ERC2: variants seen among roughly 807,000 people sequenced by gnomAD.
ERC2 encodes the protein ELKS/RAB6-interacting/CAST family member 2.
Under a neutral mutation model 114.8 loss-of-function variants are expected in ERC2, and 42 were observed. The observed-to-expected ratio is 0.37, with a 90% CI of 0.29 to 0.47. ERC2 has a LOEUF of 0.47. Ranked by LOEUF, ERC2 falls within the 20% of genes least tolerant of loss-of-function variation. The pLI, the probability that ERC2 is intolerant of heterozygous loss-of-function variation, is 0.99. For missense variants in ERC2, 939 were observed against 1,150.7 expected, an observed-to-expected ratio of 0.82 and a Z score of 2.66; for synonymous variants, 454 against 425.5, an observed-to-expected ratio of 1.07 and a Z score of -0.82.
At chr3:55,686,439 AAAT>A (rs2062336038) in intron 16 of ERC2, among the ~76,000 whole-genome samples, 1 of 152,216 alleles carries the variant, frequency 6.6e-6, no homozygotes, top group Non-Finnish European at 1.5e-5. Context: ...CCTCATCGCC[AAAT>A]GATCTGGGTC....
chr3:55,709,594 G>A (rs891230202), intron 15 of ERC2, among the ~76,000 whole-genome samples: 6 of 152,290 alleles, frequency 3.9e-5, no homozygotes, highest in South Asian at 2.1e-4. Context: ...ACGGAAGGAC[G>A]CTCTCCTTCA....
At chr3:56,251,614 T>C (rs2150233945) in intron 3 of ERC2, among the ~76,000 whole-genome samples, 1 of 152,278 alleles carries the variant, frequency 6.6e-6, no homozygotes, top group East Asian at 1.9e-4. Flanking sequence ...CTGTAGAAAT[T>C]TGGAGCTAAG....
At chr3:55,861,236 T>C (rs951308809) in intron 14 of ERC2, among the ~76,000 whole-genome samples, 3 of 152,240 alleles carry the variant, frequency 2.0e-5, no homozygotes, top group African/African-American at 7.2e-5. Flanking sequence ...GGCAGATCCA[T>C]CATTCTTGAG....
chr3:56,274,526 C>G (rs2053866380), intron 3 of ERC2, among the ~76,000 whole-genome samples: 1 of 152,028 alleles, frequency 6.6e-6, no homozygotes, highest in Non-Finnish European at 1.5e-5. Context: ...AAAAAAAAAT[C>G]CACATATGAG....
At chr3:56,378,488 G>A (rs2059630756) in intron 2 of ERC2, among the ~76,000 whole-genome samples, 1 of 142,558 alleles carries the variant, frequency 7.0e-6, no homozygotes, top group African/African-American at 2.6e-5. Context: ...GAGTTGGTGG[G>A]TGCAGCGCAC....
intron 15 of ERC2, among the ~76,000 whole-genome samples, chr3:55,714,665 GTGTA>G (rs1278068603): frequency 1.3e-3 from 48 of 36,658 alleles, no homozygotes; most frequent in African/African-American, 2.6e-3. Flanking sequence ...GTGTGTGTGT[GTGTA>G]TATATATATA....
intron 12 of ERC2, among the ~76,000 whole-genome samples, chr3:55,984,328 C>G (rs567680329): frequency 2.3e-4 from 35 of 152,044 alleles, no homozygotes; most frequent in African/African-American, 8.0e-4. Context: ...CAATAAGTTC[C>G]TAGAGCATAA....
At chr3:55,994,945 T>C (rs2149531427) in intron 10 of ERC2, among the ~76,000 whole-genome samples, 1 of 152,338 alleles carries the variant, frequency 6.6e-6, no homozygotes, top group South Asian at 2.1e-4. Flanking sequence ...AGTTAGGTCA[T>C]GTCATTAGAA....
At chr3:55,869,933 T>C (rs1452393742) in intron 14 of ERC2, among the ~76,000 whole-genome samples, 1 of 152,032 alleles carries the variant, frequency 6.6e-6, no homozygotes, top group African/African-American at 2.4e-5. Context: ...ATAGAGTGTA[T>C]TGACAAGAGG....
chr3:55,733,874 G>C (rs1200651682), intron 15 of ERC2, among the ~76,000 whole-genome samples: 1 of 152,246 alleles, frequency 6.6e-6, no homozygotes, highest in East Asian at 1.9e-4. Context: ...TAAGGCCCTA[G>C]GTAAAATGTG....
At chr3:55,692,416 G>C (rs777056090) in intron 16 of ERC2, among the ~76,000 whole-genome samples, 141 of 152,138 alleles carry the variant, frequency 9.3e-4, no homozygotes, top group Admixed American at 3.7e-3. Context: ...GAAACACATG[G>C]GCCTGGAGCT....
chr3:55,709,038 T>C (rs898045888), intron 15 of ERC2, among the ~76,000 whole-genome samples: 8 of 152,102 alleles, frequency 5.3e-5, no homozygotes, highest in African/African-American at 1.7e-4. Flanking sequence ...ATCCAACAAA[T>C]ATTTATTATC....
intron 13 of ERC2, among the ~76,000 whole-genome samples, chr3:55,915,446 T>C (rs957429822): frequency 4.6e-5 from 7 of 152,200 alleles, no homozygotes; most frequent in Admixed American, 1.3e-4. Flanking sequence ...TATTAATTTA[T>C]AATACACCTT....
intron 2 of ERC2, among the ~76,000 whole-genome samples, chr3:56,404,002 G>C (rs1196358842): frequency 6.6e-6 from 1 of 152,206 alleles, no homozygotes; most frequent in African/African-American, 2.4e-5. Context: ...CATCGCACCA[G>C]AGGTGCATAA....
chr3:55,894,259 G>T (rs1205060392), intron 13 of ERC2, among the ~76,000 whole-genome samples: 1 of 152,088 alleles, frequency 6.6e-6, no homozygotes, highest in Non-Finnish European at 1.5e-5. Flanking sequence ...CTTCATGAAA[G>T]AACCTAGACA....
At chr3:55,663,150 A>T (rs1440616210) in intron 17 of ERC2, among the ~76,000 whole-genome samples, 1 of 152,224 alleles carries the variant, frequency 6.6e-6, no homozygotes, top group African/African-American at 2.4e-5. Flanking sequence ...GGTTTCCATT[A>T]CAGAATACAG....
chr3:55,562,913 T>C (rs1014154953), intron 17 of ERC2, among the ~76,000 whole-genome samples: 2 of 152,186 alleles, frequency 1.3e-5, no homozygotes, highest in Non-Finnish European at 2.9e-5. Context: ...ACATGCACAT[T>C]CCAAAGGAAT....
chr3:55,730,186 C>T (rs1409902030), intron 15 of ERC2, among the ~76,000 whole-genome samples: 1 of 152,132 alleles, frequency 6.6e-6, no homozygotes, highest in African/African-American at 2.4e-5. Context: ...AGCACTCCTG[C>T]AGCACCAGGG....
At chr3:55,955,253 TGTGTGTGTGTG>T in intron 12 of ERC2, 1 of 40,450 alleles carries the variant, frequency 2.5e-5, no homozygotes, top group Non-Finnish European at 6.1e-5. Context: ...TGTGTTTGTG[TGTGTGTGTGTG>T]TGTGTGTGTG....
Sources: allele counts gnomAD v4.1 joint callset (sites outside exome capture counted in the v4.1 genomes callset), GRCh38; gene constraint gnomAD v4.1.1; transcripts MANE v1.5; gene names NCBI Gene and HGNC (gene_info 2026-07-23, HGNC 2026-07-21).